Variants in ANO2 observed in about 807,000 individuals in gnomAD.
ANO2 encodes anoctamin-2.
Under a neutral mutation model 124.2 loss-of-function variants are expected in ANO2, and 101 were observed. The ratio of observed to expected loss-of-function variants is 0.81; its 90% CI spans 0.69 to 0.96. ANO2 has a LOEUF of 0.96. ANO2 is among the 40% of genes least tolerant of loss of function. The probability of loss-of-function intolerance (pLI) is 0.00; values close to 1 mark genes in which losing one functional copy is unlikely to be tolerated. For synonymous variants in ANO2, 486 were observed against 482.5 expected (o/e 1.01, Z -0.09); for missense variants, 1,293 against 1,274.5 (o/e 1.01, Z -0.22).
In ANO2 at chr12:5,696,841, T is replaced by A. The variant is rs573928517; in HGVS notation, c.1545+35679A>T. ...TTTGCATTAGTGAAGTTCAGTACCTTTGCAGGTTAAAGGAGAAAAGCTACA... is the reference window on the plus strand; with the variant it reads ...TTTGCATTAGTGAAGTTCAGTACCTATGCAGGTTAAAGGAGAAAAGCTACA... On this transcript the variant is annotated intron_variant, in intron 14 of 24. Transcript: ENST00000682330. Among the ~76,000 whole-genome samples, 8 of 152,334 alleles carry A rather than the reference T, an allele frequency of 5.3e-5. No homozygotes were observed. The East Asian group carries it at 1.3e-3, about 26-fold the overall frequency.
intron 11 of ANO2, among the ~76,000 whole-genome samples, chr12:5,749,383 T>C (rs1951372164): frequency 1.3e-5 from 2 of 152,170 alleles, no homozygotes; most frequent in African/African-American, 4.8e-5. Context: ...TCATAGTACT[T>C]TTTCACTTGA....
At chr12:5,849,098 C>T (rs367971332) in intron 4 of ANO2, among the ~76,000 whole-genome samples, 1 of 152,214 alleles carries the variant, frequency 6.6e-6, no homozygotes, top group African/African-American at 2.4e-5. Context: ...GACACATAAG[C>T]TGAAGTTCTG....
intron 14 of ANO2, among the ~76,000 whole-genome samples, chr12:5,685,433 C>T (rs763446003): frequency 3.9e-5 from 6 of 152,304 alleles, no homozygotes; most frequent in Non-Finnish European, 8.8e-5. Flanking sequence ...TCCTTCACTC[C>T]CAGCACTGCC....
At chr12:5,615,731 C>T (rs992845896) in intron 16 of ANO2, among the ~76,000 whole-genome samples, 2 of 152,102 alleles carry the variant, frequency 1.3e-5, no homozygotes, top group African/African-American at 4.8e-5. Context: ...ACTAGAGTTA[C>T]AAGGGTACCA....
rs534787053 is a variant in ANO2, at chr12:5,566,555, A to G, written c.2622-892T>C. On this transcript the variant is annotated intron_variant, in intron 23 of 24. Coordinates refer to ENST00000682330, the MANE Select transcript of ANO2 (RefSeq NM_001364791.2). The stretch of plus-strand genomic sequence containing the variant: ...CATGGAATTCAACAAATCTTTGCTC[A>G]TCCTGGGCCAGAGAAAGAGGTGGGT... 3.0e-3 allele frequency among the ~76,000 whole-genome samples: 459 copies of G among 152,302 alleles called. 2 individuals are homozygous for G. Among genetic ancestry groups the G allele is most frequent in the African/African-American group, 0.011 (443 of 41,568 alleles).
chr12:5,744,346 G>T, intron 11 of ANO2, 29 bp from the exon 12 acceptor site: 1 of 1,613,186 alleles, frequency 6.2e-7, no homozygotes, highest in Non-Finnish European at 8.5e-7. Context: ...GTTGGGTCAG[G>T]TGGAGCTCAA....
At chr12:5,842,717 C>T (rs1471127305) in intron 4 of ANO2, among the ~76,000 whole-genome samples, 5 of 152,148 alleles carry the variant, frequency 3.3e-5, no homozygotes, top group South Asian at 4.1e-4. Flanking sequence ...ATATTTTTAA[C>T]GTCACTGTTT....
intron 24 of ANO2, among the ~76,000 whole-genome samples, chr12:5,565,281 G>GA (rs765631225): frequency 4.7e-4 from 72 of 152,110 alleles, no homozygotes; most frequent in Non-Finnish European, 1.5e-4. Flanking sequence ...GTTTAAACAG[G>GA]AATCTATCTC....
chr12:5,694,143 G>A (rs1412936606), intron 14 of ANO2, among the ~76,000 whole-genome samples: 4 of 151,360 alleles, frequency 2.6e-5, no homozygotes, highest in Non-Finnish European at 5.9e-5. Flanking sequence ...AGCTCTGTTT[G>A]ATTCCAAAAC....
At chr12:5,746,393 A>C (rs1047426566) in intron 11 of ANO2, among the ~76,000 whole-genome samples, 1 of 152,184 alleles carries the variant, frequency 6.6e-6, no homozygotes, top group African/African-American at 2.4e-5. Context: ...TTTTTGATGT[A>C]ATCAATTTTA....
At chr12:5,684,557 T>G (rs1002985771) in intron 14 of ANO2, among the ~76,000 whole-genome samples, 1 of 152,122 alleles carries the variant, frequency 6.6e-6, no homozygotes, top group Non-Finnish European at 1.5e-5. Flanking sequence ...GAGTACAACT[T>G]CTTCTCAGCA....
At chr12:5,616,752 C>G (rs925619587) in intron 16 of ANO2, among the ~76,000 whole-genome samples, 3 of 152,152 alleles carry the variant, frequency 2.0e-5, no homozygotes, top group Non-Finnish European at 4.4e-5. Flanking sequence ...AAGGAATACC[C>G]TTCCCTCACC....
At position 5,788,868 on chromosome 12, in the gene ANO2, T is replaced by C. The variant is rs546588887; in HGVS notation, c.1055+10639A>G. Among the ~76,000 whole-genome samples, 9 of 152,322 alleles carry C rather than the reference T, an allele frequency of 5.9e-5. 1 individual carries two copies. In the South Asian group the frequency reaches 1.0e-3, roughly 18 times the overall value. ...GCCACCATGCCCAGCCTGAATTACA[T>C]ATTTCTTAAATCTCTTTCCTAAAAC... On this transcript the variant is annotated intron_variant, in intron 10 of 24. Coordinates refer to ENST00000682330, the MANE Select transcript of ANO2 (RefSeq NM_001364791.2).
At chr12:5,780,771 T>C (rs1305082064) in intron 10 of ANO2, among the ~76,000 whole-genome samples, 1 of 152,092 alleles carries the variant, frequency 6.6e-6, no homozygotes, top group Admixed American at 6.5e-5. Flanking sequence ...AAATCAAAGT[T>C]ACAAGGAAGG....
chr12:5,898,727 T>C (rs904424709), intron 3 of ANO2, among the ~76,000 whole-genome samples: 1 of 152,104 alleles, frequency 6.6e-6, no homozygotes, highest in Admixed American at 6.5e-5. Context: ...GACCTTTGGG[T>C]GGTGGGGGTA....
chr12:5,633,282 A>C (rs972035417), intron 16 of ANO2, among the ~76,000 whole-genome samples: 9 of 152,168 alleles, frequency 5.9e-5, no homozygotes, highest in African/African-American at 9.7e-5. Flanking sequence ...TGCCTCTCCA[A>C]GTTCTAAGTT....
chr12:5,575,752 T>C, intron 23 of ANO2, 82 bp downstream of exon 23: 1 of 1,457,756 alleles, frequency 6.9e-7, no homozygotes. Flanking sequence ...TTGTGCAGGG[T>C]TGTAATTCTA....
At chr12:5,717,416 T>C (rs773406023) in intron 14 of ANO2, among the ~76,000 whole-genome samples, 1 of 152,142 alleles carries the variant, frequency 6.6e-6, no homozygotes, top group East Asian at 1.9e-4. Flanking sequence ...CCCAAGGGAG[T>C]TGGTTTTGGA....
chr12:5,652,010 T>C (rs1263579122), intron 14 of ANO2, among the ~76,000 whole-genome samples: 1 of 152,260 alleles, frequency 6.6e-6, no homozygotes, highest in Non-Finnish European at 1.5e-5. Context: ...GAGGGATGTT[T>C]GAATTGTTTC....
Sources: gnomAD v4.1 joint callset for allele counts (sites outside exome capture counted in the v4.1 genomes callset) on GRCh38, gnomAD v4.1.1 for gene constraint, MANE v1.5 for transcripts, NCBI Gene and HGNC (gene_info 2026-07-23, HGNC 2026-07-21) for gene names.